The following TMEM117 variants were observed in gnomAD, a reference collection of about 807,000 sequenced individuals.
The protein encoded by TMEM117 is transmembrane protein 117.
Under a neutral mutation model 52.4 loss-of-function variants are expected in TMEM117, and 27 were observed. That is an observed-to-expected ratio of 0.51 (90% confidence interval 0.38 to 0.71). The LOEUF (loss-of-function observed/expected upper bound fraction) is 0.71. Among genes scored for constraint, TMEM117 ranks in the 30% least tolerant of loss-of-function variants. The pLI is 0.00. For missense variants in TMEM117, 556 were observed against 630.5 expected, an observed-to-expected ratio of 0.88 and a Z score of 1.26; for synonymous variants, 215 against 206.3, an observed-to-expected ratio of 1.04 and a Z score of -0.36.
At chr12:44,092,859 A>G (rs1331993789) in intron 3 of TMEM117, among the ~76,000 whole-genome samples, 1 of 152,204 alleles carries the variant, frequency 6.6e-6, no homozygotes, top group Non-Finnish European at 1.5e-5. Flanking sequence ...TTATGACCAC[A>G]TAATCTTGTG....
intron 2 of TMEM117, among the ~76,000 whole-genome samples, chr12:43,924,766 A>T (rs1944751055): frequency 6.6e-6 from 1 of 152,166 alleles, no homozygotes; most frequent in Non-Finnish European, 1.5e-5. Flanking sequence ...GCACAAAGTT[A>T]TTTATTGCTG....
chr12:44,008,071 T>A (rs1465302222), intron 3 of TMEM117, among the ~76,000 whole-genome samples: 2 of 152,118 alleles, frequency 1.3e-5, no homozygotes, highest in Non-Finnish European at 1.5e-5. Flanking sequence ...CTCCATCCAG[T>A]CTACATAATG....
intron 3 of TMEM117, among the ~76,000 whole-genome samples, chr12:44,088,121 G>A (rs991128303): frequency 2.0e-5 from 3 of 152,120 alleles, no homozygotes; most frequent in Admixed American, 1.3e-4. Context: ...GAGTGAAAAA[G>A]TCAAATAACA....
At chr12:44,114,210 A>G (rs563533733) in intron 3 of TMEM117, among the ~76,000 whole-genome samples, 1 of 152,014 alleles carries the variant, frequency 6.6e-6, no homozygotes, top group Admixed American at 6.6e-5. Flanking sequence ...AGCTGTTCCT[A>G]TTCGGCCATC....
At chr12:43,908,205 GAA>G (rs1236373067) in intron 2 of TMEM117, among the ~76,000 whole-genome samples, 3 of 70,126 alleles carry the variant, frequency 4.3e-5, no homozygotes, top group African/African-American at 9.1e-5. Flanking sequence ...CATTCTTAAA[GAA>G]AAGAATTTTC....
At chr12:44,303,634 T>A (rs1443750139) in intron 6 of TMEM117, among the ~76,000 whole-genome samples, 1 of 152,218 alleles carries the variant, frequency 6.6e-6, no homozygotes, top group African/African-American at 2.4e-5. Context: ...AAATAAATTG[T>A]AGAGAAAACA....
At chr12:44,193,486 C>T (rs1369829481) in intron 4 of TMEM117, among the ~76,000 whole-genome samples, 1 of 152,150 alleles carries the variant, frequency 6.6e-6, no homozygotes, top group South Asian at 2.1e-4. Flanking sequence ...ACTTAGAGCA[C>T]TTGTTTTTTC....
intron 5 of TMEM117, among the ~76,000 whole-genome samples, chr12:44,231,932 A>T (rs1949938661): frequency 6.6e-6 from 1 of 151,700 alleles, no homozygotes; most frequent in African/African-American, 2.4e-5. Context: ...GTCTGATTCA[A>T]ATAATGGCTC....
At chr12:44,079,718 A>G (rs1406436710) in intron 3 of TMEM117, among the ~76,000 whole-genome samples, 1 of 152,138 alleles carries the variant, frequency 6.6e-6, no homozygotes, top group Non-Finnish European at 1.5e-5. Context: ...TACTATTTTA[A>G]AGAAATTAAA....
At chr12:44,010,058 T>C in intron 3 of TMEM117, 1 of 384,370 alleles carries the variant, frequency 2.6e-6, no homozygotes, top group Non-Finnish European at 5.3e-6. Context: ...GGGACTGGAG[T>C]TCTCTCTCAC....
At chr12:44,334,306 T>C (rs1258908170) in intron 6 of TMEM117, among the ~76,000 whole-genome samples, 1 of 152,066 alleles carries the variant, frequency 6.6e-6, no homozygotes, top group East Asian at 1.9e-4. Flanking sequence ...AAATATTTGG[T>C]AATATAATTA....
rs192007895 is a variant in TMEM117 at position 44,355,402 on chromosome 12, A to G, written c.769-21193A>G. On this transcript the variant is annotated intron_variant, in intron 6 of 7. Coordinates refer to ENST00000266534, the MANE Select transcript of TMEM117 (RefSeq NM_032256.3). ...GTCTTTATCCTGGTTATTCTACTTG[A>G]GATACACAGCATAACATATGATCAC... Among the ~76,000 whole-genome samples the G allele has an allele frequency of 2.9e-3, 438 of 152,124 alleles. 2 individuals carry two copies. Among genetic ancestry groups the G allele is most frequent in the Non-Finnish European group, 4.5e-3 (306 of 67,976 alleles).
chr12:43,963,916 C>A (rs1293871522), intron 3 of TMEM117, among the ~76,000 whole-genome samples: 2 of 152,130 alleles, frequency 1.3e-5, no homozygotes, highest in Admixed American at 1.3e-4. Flanking sequence ...AGCCATTGAA[C>A]TAAGTATCTC....
chr12:44,372,890 G>A (rs1951883810), intron 6 of TMEM117, among the ~76,000 whole-genome samples: 1 of 152,204 alleles, frequency 6.6e-6, no homozygotes, highest in African/African-American at 2.4e-5. Context: ...ACATCTGCAG[G>A]TGGACGTGTT....
chr12:44,011,620 A>G (rs1467204060), intron 3 of TMEM117, among the ~76,000 whole-genome samples: 1 of 151,958 alleles, frequency 6.6e-6, no homozygotes, highest in Non-Finnish European at 1.5e-5. Flanking sequence ...TGCCTTTATC[A>G]GCAGCATGAA....
chr12:44,294,650 T>C (rs193114570), intron 5 of TMEM117, among the ~76,000 whole-genome samples: 13 of 152,328 alleles, frequency 8.5e-5, no homozygotes, highest in African/African-American at 2.9e-4. Context: ...TCACTACTCT[T>C]GTGCTTTGGA....
At chr12:44,168,030 C>T (rs907100847) in intron 4 of TMEM117, among the ~76,000 whole-genome samples, 5 of 151,486 alleles carry the variant, frequency 3.3e-5, no homozygotes, top group Admixed American at 6.6e-5. Flanking sequence ...CTGAGGTGGG[C>T]GGATCACAAG....
chr12:44,201,397 T>TA (rs1009788794), intron 4 of TMEM117, among the ~76,000 whole-genome samples: 18 of 152,074 alleles, frequency 1.2e-4, no homozygotes, highest in African/African-American at 4.3e-4. Context: ...TTGTTGTCCC[T>TA]AAAAAATATA....
intron 6 of TMEM117, among the ~76,000 whole-genome samples, chr12:44,337,791 A>T (rs372046176): frequency 1.3e-5 from 2 of 152,224 alleles, no homozygotes; most frequent in African/African-American, 2.4e-5. Context: ...AGTTCAAAGT[A>T]TCTTGGCATT....
Sources: gnomAD v4.1 joint callset for allele counts (sites outside exome capture counted in the v4.1 genomes callset) on GRCh38, gnomAD v4.1.1 for gene constraint, MANE v1.5 for transcripts, NCBI Gene and HGNC (gene_info 2026-07-23, HGNC 2026-07-21) for gene names.